SLC12A6: variants seen among roughly 807,000 people sequenced by gnomAD.
SLC12A6 encodes the protein K-Cl cotransporter 3.
Under a neutral mutation model 135.3 loss-of-function variants are expected in SLC12A6, and 66 were observed. The observed-to-expected ratio is 0.49, with a 90% confidence interval of 0.40 to 0.60. The LOEUF is 0.60. Ranked by LOEUF, SLC12A6 falls within the 20% of genes least tolerant of loss-of-function variation. SLC12A6 has a pLI of 0.00. For synonymous variants in SLC12A6, 513 were observed against 508.8 expected, an observed-to-expected ratio of 1.01 and a Z score of -0.11; for missense variants, 1,058 against 1,452.3, an observed-to-expected ratio of 0.73 and a Z score of 4.41.
At chr15:34,250,384 T>TA (rs1483993539) in intron 12 of SLC12A6, 29 bp from the exon 13 acceptor site, 1 of 1,419,916 alleles carries the variant, frequency 7.0e-7, no homozygotes, top group African/African-American at 1.4e-5. Flanking sequence ...AGGAAACTGT[T>TA]GTTTACCCTC....
chr15:34,320,304 C>T (rs995206211), intron 2 of SLC12A6, among the ~76,000 whole-genome samples: 7 of 152,100 alleles, frequency 4.6e-5, no homozygotes, highest in African/African-American at 1.4e-4. Flanking sequence ...CAACAGAATA[C>T]GATTCAGCCA....
rs1421317606 is a variant in SLC12A6, at chr15:34,284,275, TTC to T, written c.272-8888_272-8887del. On this transcript the variant is annotated intron_variant, in intron 2 of 25. Coordinates refer to ENST00000354181, the MANE Select transcript of SLC12A6 (RefSeq NM_001365088.1). The stretch of plus-strand genomic sequence containing the variant: ...GTCCATATTACTTTCTTTGTTTCTT[TTC>T]TTTTTTTTTTTTTTTTTTTTTTTGA... Among the ~76,000 whole-genome samples, 30 of 136,126 alleles carry T rather than the reference TTC, an allele frequency of 2.2e-4. No individual in the cohort carries two copies. The East Asian group carries it at 6.1e-3, about 28-fold the overall frequency. 89.3% of individuals were successfully genotyped at this position (136,126 alleles called of 152,430 possible).
intron 2 of SLC12A6, among the ~76,000 whole-genome samples, chr15:34,320,305 G>C (rs778750119): frequency 6.6e-6 from 1 of 152,148 alleles, no homozygotes; most frequent in Non-Finnish European, 1.5e-5. Flanking sequence ...AACAGAATAC[G>C]ATTCAGCCAT....
intron 3 of SLC12A6, 57 bp from the exon 4 acceptor site, chr15:34,261,077 T>A: frequency 1.1e-6 from 1 of 884,198 alleles, no homozygotes; most frequent in South Asian, 1.3e-5. Flanking sequence ...CGAAGAAACA[T>A]CAGCACCAGA....
At chr15:34,299,861 A>G (rs1250992151) in intron 2 of SLC12A6, among the ~76,000 whole-genome samples, 2 of 152,148 alleles carry the variant, frequency 1.3e-5, no homozygotes, top group African/African-American at 4.8e-5. Context: ...GGGGTTTTAA[A>G]TGAGGGAGTA....
chr15:34,236,347 C>A (rs1891263510), intron 23 of SLC12A6, 148 bp from the exon 24 acceptor site: 1 of 708,886 alleles, frequency 1.4e-6, no homozygotes, highest in South Asian at 1.6e-5. Context: ...TAGTATCATC[C>A]CTTTTTTTTT....
intron 22 of SLC12A6, 54 bp downstream of exon 22, chr15:34,237,365 C>T (rs1198542031): frequency 5.9e-6 from 9 of 1,535,274 alleles, no homozygotes; most frequent in South Asian, 4.5e-5. Context: ...TCAAGGAAGA[C>T]AGGGAGAGGA....
At chr15:34,249,396 C>A (rs1410086344) in intron 13 of SLC12A6, among the ~76,000 whole-genome samples, 4 of 151,474 alleles carry the variant, frequency 2.6e-5, no homozygotes, top group Admixed American at 6.6e-5. Context: ...CCCATCTTTA[C>A]AAAAAAAATT....
intron 2 of SLC12A6, among the ~76,000 whole-genome samples, chr15:34,294,180 GC>G (rs1317610137): frequency 2.0e-5 from 3 of 151,986 alleles, no homozygotes; most frequent in African/African-American, 7.2e-5. Flanking sequence ...CTTTGTCATT[GC>G]CCCACTCCCA....
intron 3 of SLC12A6, among the ~76,000 whole-genome samples, chr15:34,271,147 A>T (rs1595471646): frequency 6.6e-6 from 1 of 152,184 alleles, no homozygotes; most frequent in African/African-American, 2.4e-5. Context: ...GTATGTTTCA[A>T]ATCAAATGCT....
intron 2 of SLC12A6, among the ~76,000 whole-genome samples, chr15:34,308,630 C>CAAAA (rs536506096): frequency 0.034 from 1,911 of 55,804 alleles, 2 homozygotes; most frequent in Non-Finnish European, 0.053. Flanking sequence ...GTCCACCTGA[C>CAAAA]AAAAAAAAAA....
At position 34,230,478 on chromosome 15, in the gene SLC12A6, C is replaced by T. The variant is rs4530104; in HGVS notation, c.*3403G>A. 89,151 of 152,376 alleles carry T rather than the reference C, an allele frequency of 0.59. 27,763 individuals carry two copies. The highest frequency in any genetic ancestry group is 0.69 in the East Asian group (3,580 of 5,176). The allele number at this position is 152,376 out of a possible 1,614,324, so 9.4% of individuals were successfully genotyped here. ...GTCCCCCTGCCGAAGGAACCTGGCACCTGTCAAGCAGATGCTGCAGTTCAA... is the reference window on the plus strand; with the variant it reads ...GTCCCCCTGCCGAAGGAACCTGGCATCTGTCAAGCAGATGCTGCAGTTCAA... On this transcript the variant is annotated 3_prime_UTR_variant, in exon 26 of 26. Coordinates refer to ENST00000354181, the MANE Select transcript of SLC12A6 (RefSeq NM_001365088.1).
At chr15:34,238,740 G>C (rs1891444717) in intron 20 of SLC12A6, 1 of 620,874 alleles carries the variant, frequency 1.6e-6, no homozygotes, top group Non-Finnish European at 2.9e-6. Flanking sequence ...CAATTTTGGA[G>C]ATAATTCCTA....
intron 18 of SLC12A6, 88 bp downstream of exon 18, chr15:34,241,145 C>G: frequency 1.3e-6 from 1 of 774,302 alleles, no homozygotes; most frequent in South Asian, 1.4e-5. Flanking sequence ...CCTTGAGCCA[C>G]ATATGGTTTC....
chr15:34,319,819 G>T (rs954272174), intron 2 of SLC12A6, among the ~76,000 whole-genome samples: 1 of 148,204 alleles, frequency 6.7e-6, no homozygotes, highest in Non-Finnish European at 1.5e-5. Context: ...GAAAGAAAAA[G>T]AAAAAAATAT....
chr15:34,255,531 G>A, intron 7 of SLC12A6, 139 bp from the exon 8 acceptor site: 1 of 669,148 alleles, frequency 1.5e-6, no homozygotes, highest in Non-Finnish European at 2.6e-6. Context: ...GTGATAAAAA[G>A]ATGTGCTAGT....
chr15:34,318,704 C>T, intron 2 of SLC12A6: 1 of 1,613,174 alleles, frequency 6.2e-7, no homozygotes, highest in South Asian at 1.1e-5. Context: ...ATACTTTGCT[C>T]TTTCTGTATT....
rs761993928 is a variant in SLC12A6, at chr15:34,258,840, G to C, written c.516C>G (p.Ile172Met). Residue 172 changes from isoleucine to methionine, a missense_variant, in exon 5 of 26, where the codon ATC (isoleucine) becomes ATG (methionine). Ile to Met is a conservative substitution (Grantham distance 10). This residue lies in a region of SLC12A6 where 139 missense variants were observed against 202.2 expected (regional missense o/e 0.69). Coordinates refer to ENST00000354181, the MANE Select transcript of SLC12A6 (RefSeq NM_001365088.1). ...GAKEHEEAEN[I>M]TEGKKKPTKT... is the part of the protein sequence containing the mutation. ...TGGTGGGCTTCTTTTTCCCTTCAGT[G>C]ATGTTTTCTGCCTCTTCATGTTCCT... 1.2e-6 allele frequency: 2 copies of C among 1,613,430 alleles called. No individual in the cohort carries two copies. Among genetic ancestry groups the C allele is most frequent in the East Asian group, 2.2e-5 (1 of 44,884 alleles).
chr15:34,337,308 T>C (rs1890265469), intron 1 of SLC12A6, 24 bp downstream of exon 1: 1 of 160,344 alleles, frequency 6.2e-6, no homozygotes, highest in Non-Finnish European at 1.4e-5. Flanking sequence ...AAGGTGCACA[T>C]GCATAACGGG....
Sources: gnomAD v4.1 joint callset for allele counts (sites outside exome capture counted in the v4.1 genomes callset) on GRCh38, gnomAD v4.1.1 for gene constraint, gnomAD v4.1.1 regional missense constraint, MANE v1.5 for transcripts, NCBI Gene and HGNC (gene_info 2026-07-23, HGNC 2026-07-21) for gene names.